TFRC: variants seen among roughly 807,000 people sequenced by gnomAD.
TFRC encodes transferrin receptor.
In TFRC, 35 loss-of-function variants were observed where a neutral mutation model predicts 85.8. The observed-to-expected ratio is 0.41, with a 90% CI of 0.31 to 0.54. The LOEUF is 0.54. TFRC is among the 20% of genes least tolerant of loss of function. The pLI is 0.31. For synonymous variants in TFRC, 362 were observed against 328.6 expected (o/e 1.10, Z -1.10); for missense variants, 828 against 921.5 (o/e 0.90, Z 1.31).
chr3:196,075,897 G>A (rs1718650271), intron 2 of TFRC, among the ~76,000 whole-genome samples: 1 of 151,618 alleles, frequency 6.6e-6, no homozygotes, highest in Non-Finnish European at 1.5e-5. Flanking sequence ...GGGGGCCGAG[G>A]CACACAGATC....
intron 1 of TFRC, among the ~76,000 whole-genome samples, chr3:196,077,410 A>G (rs1718796018): frequency 6.6e-6 from 1 of 150,904 alleles, no homozygotes; most frequent in Non-Finnish European, 1.5e-5. Context: ...TTGGCCTCCC[A>G]AAGTGCTGCA....
rs41299384 is a variant in TFRC at position 196,049,414 on chromosome 3, G to A, written c.*2528C>T. On this transcript the variant is annotated 3_prime_UTR_variant, in exon 19 of 19. Transcript: ENST00000360110. ...CTAAAATTTCAAGAACATTCAAAGA[G>A]CTAACACAGTAAAGGTCATGCAAGT... The A allele has an allele frequency of 7.3e-4, 153 of 210,516 alleles. No individual in the cohort carries two copies. The highest frequency in any genetic ancestry group is 5.8e-3 in the East Asian group (81 of 13,922). 13.0% of individuals were successfully genotyped at this position (210,516 alleles called of 1,614,324 possible).
chr3:196,066,249 C>T (rs912399993), intron 9 of TFRC, among the ~76,000 whole-genome samples: 7 of 152,138 alleles, frequency 4.6e-5, no homozygotes, highest in Admixed American at 2.0e-4. Context: ...TTTATGTTTC[C>T]CAACTGTCAC....
chr3:196,071,494 G>T lies in TFRC; in HGVS notation c.589C>A (p.Gln197Lys). The change falls in exon 6 of 19, where the codon CAA (glutamine) becomes AAA (lysine). Residue 197 changes from glutamine (Q) to lysine (K), a missense_variant. Coordinates refer to ENST00000360110, the MANE Select transcript of TFRC (RefSeq NM_001128148.3). ...TTATCAACTATGATCACCGAGTTTTGAGCGCTGTTAAAAAGATTAAGTTAA... is the reference window on the plus strand; with the variant it reads ...TTATCAACTATGATCACCGAGTTTTTAGCGCTGTTAAAAAGATTAAGTTAA... ...FVKIQVKDSA[Q>K]NSVIIVDKNG... 6.2e-7 allele frequency: 1 copy of T among 1,613,924 alleles called. No homozygotes were observed. Among genetic ancestry groups the T allele is most frequent in the South Asian group, 1.1e-5 (1 of 91,052 alleles).
At position 196,065,426 on chromosome 3, in the gene TFRC, G is replaced by GGT; in HGVS notation, c.1198+16_1198+17insAC. On this transcript the variant is annotated intron_variant, in intron 10 of 18. Transcript: ENST00000360110. ...CAAAAAAAAAGCGGGGCGGGGGGGG[G>GGT]GGGGGGCGGTCTTTACCTGGTTCTA... The GGT allele has an allele frequency of 1.4e-6, 1 of 692,206 alleles. No homozygotes were observed. Among genetic ancestry groups the GGT allele is most frequent in the Non-Finnish European group, 2.0e-6 (1 of 509,644 alleles). 42.9% of individuals were successfully genotyped at this position (692,206 alleles called of 1,614,324 possible).
intron 4 of TFRC, among the ~76,000 whole-genome samples, chr3:196,072,436 A>G (rs1577247098): frequency 6.6e-6 from 1 of 152,354 alleles, no homozygotes; most frequent in East Asian, 1.9e-4. Flanking sequence ...GGAAATGAGT[A>G]GCTTCCAGAT....
intron 13 of TFRC, 176 bp downstream of exon 13, chr3:196,062,406 A>T: frequency 1.7e-6 from 1 of 592,500 alleles, no homozygotes; most frequent in South Asian, 2.1e-5. Flanking sequence ...GGTAGTGAGC[A>T]CCTGTAATCC....
In TFRC at chr3:196,075,301, A is replaced by G; in HGVS notation, c.96T>C (p.Asp32=). The change falls in exon 3 of 19, where the codon GAT becomes GAC. Residue 32 remains aspartate, a synonymous_variant. Coordinates refer to ENST00000360110, the MANE Select transcript of TFRC (RefSeq NM_001128148.3). ...CAAGTTTCATCTCCACATGACTGTT[A>G]TCGCCATCTACTTGCCGAGCCAGGC... ...RFSLARQVDG[D]NSHVEMKLAV... 1 of 1,614,118 alleles carries G rather than the reference A, an allele frequency of 6.2e-7. No individual in the cohort carries two copies. Among genetic ancestry groups the G allele is most frequent in the Non-Finnish European group, 8.5e-7 (1 of 1,180,028 alleles).
intron 2 of TFRC, 65 bp from the exon 3 acceptor site, chr3:196,075,425 G>A (rs1276920664): frequency 1.3e-6 from 2 of 1,496,212 alleles, no homozygotes; most frequent in African/African-American, 1.4e-5. Context: ...GCTCGTTTAG[G>A]TATATGCTTG....
rs1018712801 is a variant in TFRC, at chr3:196,051,392, C to A, written c.*550G>T. ...TCATTTTATCCAGCAGAAGGACCTC[C>A]ATTTCAGACCTCATTGGCAAGAAAA... On this transcript the variant is annotated 3_prime_UTR_variant, in exon 19 of 19. Coordinates refer to ENST00000360110, the MANE Select transcript of TFRC (RefSeq NM_001128148.3). 4.6e-6 allele frequency: 1 copy of A among 218,398 alleles called. No homozygotes were observed. Among genetic ancestry groups the A allele is most frequent in the African/African-American group, 2.2e-5 (1 of 44,582 alleles). The allele number at this position is 218,398 out of a possible 1,614,324, so 13.5% of individuals were successfully genotyped here.
rs762292110 is a variant in TFRC at position 196,052,161 on chromosome 3, G to C, written c.2064C>G (p.Pro688=). The C allele has an allele frequency of 1.4e-5, 23 of 1,614,024 alleles. 1 individual carries two copies. In the Admixed American group the frequency reaches 3.8e-4, roughly 27 times the overall value. Residue 688 remains proline, a synonymous_variant, in exon 19 of 19, where the codon CCC becomes CCG. Transcript: ENST00000360110. ...VMRVEYHFLS[P]YVSPKESPFR... is the part of the protein sequence containing the mutation. Reference sequence around the variant, plus strand: ...AAGGAGACTCTTTTGGAGATACGTAGGGAGAGAGGAAGTGATACTCCACCT... The same window carrying C: ...AAGGAGACTCTTTTGGAGATACGTACGGAGAGAGGAAGTGATACTCCACCT...
At chr3:196,066,110 A>G (rs1479847635) in intron 9 of TFRC, among the ~76,000 whole-genome samples, 1 of 120,640 alleles carries the variant, frequency 8.3e-6, no homozygotes, top group Non-Finnish European at 1.7e-5. Context: ...TAATTAAGCA[A>G]TATTTTAAAA....
chr3:196,076,599 G>A (rs1042901296), intron 2 of TFRC, among the ~76,000 whole-genome samples: 2 of 151,796 alleles, frequency 1.3e-5, no homozygotes, highest in East Asian at 1.9e-4. Flanking sequence ...ACAGGCATGC[G>A]CCATGACACT....
At chr3:196,055,046 G>A in intron 17 of TFRC, 34 bp downstream of exon 17, 1 of 1,594,240 alleles carries the variant, frequency 6.3e-7, no homozygotes, top group Non-Finnish European at 8.6e-7. Flanking sequence ...TTGACATTCA[G>A]CAAAATAAAA....
intron 9 of TFRC, among the ~76,000 whole-genome samples, chr3:196,066,170 A>AT (rs1717728328): frequency 6.6e-6 from 1 of 152,226 alleles, no homozygotes; most frequent in African/African-American, 2.4e-5. Context: ...CGTAGTTTAT[A>AT]TTTGGAATAC....
In TFRC at chr3:196,051,933, G is replaced by A. The variant is rs1482367682; in HGVS notation, c.*9C>T. On this transcript the variant is annotated 3_prime_UTR_variant, in exon 19 of 19. Transcript: ENST00000360110. Reference sequence around the variant, plus strand: ...CCTGCTGTTCTCATGGAAGCTATGGGTATCACATTTAAAACTCATTGTCAA... The same window carrying A: ...CCTGCTGTTCTCATGGAAGCTATGGATATCACATTTAAAACTCATTGTCAA... 6.2e-7 allele frequency: 1 copy of A among 1,613,448 alleles called. No individual in the cohort carries two copies. Among genetic ancestry groups the A allele is most frequent in the East Asian group, 2.2e-5 (1 of 44,876 alleles).
In TFRC at chr3:196,071,646, G is replaced by A. The variant is rs187597681; in HGVS notation, c.585-148C>T. Reference sequence around the variant, plus strand: ...TTTTTATTTTAAAAGCCTTTGGGCCGCATGCGGTGGCTCACGCCTGTAATC... The same window carrying A: ...TTTTTATTTTAAAAGCCTTTGGGCCACATGCGGTGGCTCACGCCTGTAATC... On this transcript the variant is annotated intron_variant, in intron 5 of 18. Transcript: ENST00000360110. The A allele has an allele frequency of 2.6e-4, 223 of 857,300 alleles. 1 individual carries two copies. The highest frequency in any genetic ancestry group is 1.7e-3 in the South Asian group (99 of 58,252). The allele number at this position is 857,300 out of a possible 1,614,324, so 53.1% of individuals were successfully genotyped here.
intron 4 of TFRC, among the ~76,000 whole-genome samples, chr3:196,073,705 T>G (rs945218956): frequency 6.6e-6 from 1 of 152,120 alleles, no homozygotes; most frequent in Admixed American, 6.6e-5. Flanking sequence ...ATCAAGGGCC[T>G]ATTAATTTTT....
chr3:196,055,880 C>G (rs1716746681), intron 16 of TFRC, among the ~76,000 whole-genome samples: 1 of 151,690 alleles, frequency 6.6e-6, no homozygotes, highest in Non-Finnish European at 1.5e-5. Context: ...CTCTGTCACC[C>G]AGGCTGGAGT....
Sources: gnomAD v4.1 joint callset for allele counts (sites outside exome capture counted in the v4.1 genomes callset) on GRCh38, gnomAD v4.1.1 for gene constraint, MANE v1.5 for transcripts, NCBI Gene and HGNC (gene_info 2026-07-23, HGNC 2026-07-21) for gene names.